The following FRS2 variants were observed in gnomAD, a reference collection of about 807,000 sequenced individuals.
FRS2 encodes fibroblast growth factor receptor substrate 2, also known as FGFR signalling adaptor.
In FRS2, 8 loss-of-function variants were observed where a neutral mutation model predicts 43.9. The ratio of observed to expected loss-of-function variants is 0.18; its 90% CI spans 0.11 to 0.33. The LOEUF is 0.33. FRS2 is among the 10% of genes least tolerant of loss of function. The pLI is 1.00. For missense variants in FRS2, 534 were observed against 627.6 expected (o/e 0.85, Z 1.59); for synonymous variants, 219 against 220.3 (o/e 0.99, Z 0.05).
intron 1 of FRS2, chr12:69,491,655 C>T (rs1449267526): frequency 6.6e-6 from 1 of 151,840 alleles, no homozygotes; most frequent in Non-Finnish European, 1.5e-5. Flanking sequence ...TGTACAGGTA[C>T]ATACCTCCAT....
At chr12:69,553,767 TAGGAA>T (rs1409276596) in intron 3 of FRS2, among the ~76,000 whole-genome samples, 1 of 152,028 alleles carries the variant, frequency 6.6e-6, no homozygotes, top group Non-Finnish European at 1.5e-5. Flanking sequence ...AGGGAGGTGT[TAGGAA>T]AGAAGTAGGG....
chr12:69,503,575 A>G (rs1056352493), intron 1 of FRS2, among the ~76,000 whole-genome samples: 1 of 152,154 alleles, frequency 6.6e-6, no homozygotes, highest in Non-Finnish European at 1.5e-5. Context: ...GAGGAGCATT[A>G]GCAACCCTCC....
intron 1 of FRS2, among the ~76,000 whole-genome samples, chr12:69,500,510 A>G (rs974983505): frequency 2.0e-5 from 3 of 152,166 alleles, no homozygotes; most frequent in Non-Finnish European, 4.4e-5. Context: ...GTGCCTAACA[A>G]TGATGAAGAA....
At chr12:69,549,593 A>T (rs927115521) in intron 3 of FRS2, among the ~76,000 whole-genome samples, 12 of 152,214 alleles carry the variant, frequency 7.9e-5, no homozygotes, top group African/African-American at 2.9e-4. Context: ...AAGGGAACTC[A>T]GTTCTTTGTT....
rs1250685891 is a variant in FRS2, at chr12:69,576,924, C to G, written c.*1969C>G. 1 of 152,518 alleles carries G rather than the reference C, an allele frequency of 6.6e-6. No homozygotes were observed. Among genetic ancestry groups the G allele is most frequent in the East Asian group, 1.9e-4 (1 of 5,198 alleles). 9.4% of individuals were successfully genotyped at this position (152,518 alleles called of 1,614,324 possible). A position where few individuals can be genotyped will look rare whatever the true frequency, so the allele number is the denominator to read the frequency against. ...TTTTTAATATATTGTTCCACTTATC[C>G]TTTCTTCTGAGTAAATTGCTAATTG... is the stretch of plus-strand genomic sequence containing the variant. On this transcript the variant is annotated 3_prime_UTR_variant, in exon 9 of 9. Coordinates refer to ENST00000549921, the MANE Select transcript of FRS2 (RefSeq NM_001278356.2).
At chr12:69,564,243 C>G (rs1015497252) in intron 4 of FRS2, among the ~76,000 whole-genome samples, 1 of 142,870 alleles carries the variant, frequency 7.0e-6, no homozygotes, top group Non-Finnish European at 1.5e-5. Flanking sequence ...CTATTCTGAT[C>G]TTTTTTTTTT....
intron 4 of FRS2, among the ~76,000 whole-genome samples, chr12:69,565,207 A>G (rs973579981): frequency 1.3e-5 from 2 of 152,248 alleles, no homozygotes; most frequent in African/African-American, 4.8e-5. Flanking sequence ...TTCTAAACAT[A>G]GAAAAGGTAC....
intron 4 of FRS2, among the ~76,000 whole-genome samples, chr12:69,567,583 G>A (rs1371384153): frequency 6.6e-6 from 1 of 152,178 alleles, no homozygotes; most frequent in Non-Finnish European, 1.5e-5. Flanking sequence ...AGTACAAAGT[G>A]TGATAGATGC....
chr12:69,551,721 C>T (rs184979938), intron 3 of FRS2, among the ~76,000 whole-genome samples: 194 of 152,180 alleles, frequency 1.3e-3, no homozygotes, highest in Non-Finnish European at 2.4e-3. Flanking sequence ...AAGAAGGGCT[C>T]AAAAGAACAT....
At chr12:69,481,272 A>G (rs1194629582) in intron 1 of FRS2, among the ~76,000 whole-genome samples, 3 of 140,576 alleles carry the variant, frequency 2.1e-5, no homozygotes, top group African/African-American at 5.7e-5. Context: ...TGAAAGTCCA[A>G]ATTCCAGAAT....
At chr12:69,559,694 T>G (rs1456113540) in intron 3 of FRS2, among the ~76,000 whole-genome samples, 1 of 152,084 alleles carries the variant, frequency 6.6e-6, no homozygotes, top group Non-Finnish European at 1.5e-5. Flanking sequence ...TAACTCTTCT[T>G]TTTCAGAATA....
intron 1 of FRS2, among the ~76,000 whole-genome samples, chr12:69,475,294 A>G (rs1045677191): frequency 6.6e-6 from 1 of 152,140 alleles, no homozygotes; most frequent in Admixed American, 6.5e-5. Context: ...TTTCAGGAAT[A>G]TGTTTTCCAC....
At chr12:69,492,911 C>T (rs1592932326) in intron 1 of FRS2, among the ~76,000 whole-genome samples, 1 of 152,180 alleles carries the variant, frequency 6.6e-6, no homozygotes, top group African/African-American at 2.4e-5. Context: ...TCAACAAACA[C>T]TTTGTGCATA....
At chr12:69,573,444 A>G (rs1005902796) in intron 8 of FRS2, among the ~76,000 whole-genome samples, 4 of 152,130 alleles carry the variant, frequency 2.6e-5, no homozygotes, top group Non-Finnish European at 5.9e-5. Context: ...TTTAACAATC[A>G]AATATAATGT....
In FRS2 at chr12:69,477,272, CTTTTTTTT is replaced by C. The variant is rs11300091; in HGVS notation, c.-261+6756_-261+6763del. Among the ~76,000 whole-genome samples, 344 of 103,154 alleles carry C rather than the reference CTTTTTTTT, an allele frequency of 3.3e-3. 3 individuals are homozygous for C. Among genetic ancestry groups the C allele is most frequent in the Middle Eastern group, 0.013 (2 of 152 alleles). The allele number at this position is 103,154 out of a possible 152,430, so 67.7% of individuals were successfully genotyped here. The stretch of plus-strand genomic sequence containing the variant: ...TGCATGTCGACAGTATTTTAAAATA[CTTTTTTTT>C]TTTTTTTTTTTTTGGTTTGAGACGG... On this transcript the variant is annotated intron_variant, in intron 1 of 8. Transcript: ENST00000549921.
intron 1 of FRS2, among the ~76,000 whole-genome samples, chr12:69,472,617 T>C (rs1172339883): frequency 2.6e-5 from 4 of 152,230 alleles, no homozygotes; most frequent in Admixed American, 2.6e-4. Context: ...CAGATACTGA[T>C]TGTATTTTTA....
chr12:69,558,850 T>C (rs563095426), intron 3 of FRS2, among the ~76,000 whole-genome samples: 1 of 152,326 alleles, frequency 6.6e-6, no homozygotes, highest in Non-Finnish European at 1.5e-5. Context: ...ACACACAGAA[T>C]AGGTGCTCAG....
intron 3 of FRS2, among the ~76,000 whole-genome samples, chr12:69,539,581 G>A (rs1380443825): frequency 6.6e-6 from 1 of 152,110 alleles, no homozygotes; most frequent in South Asian, 2.1e-4. Flanking sequence ...GTGTCATGTT[G>A]GTGCTCAAAA....
intron 1 of FRS2, among the ~76,000 whole-genome samples, chr12:69,485,417 C>T (rs541681354): frequency 2.0e-5 from 3 of 152,114 alleles, no homozygotes; most frequent in South Asian, 4.2e-4. Flanking sequence ...CTCCTGACCT[C>T]GTGATCCGCC....
Sources: allele counts gnomAD v4.1 joint callset (sites outside exome capture counted in the v4.1 genomes callset), GRCh38; gene constraint gnomAD v4.1.1; transcripts MANE v1.5; gene names NCBI Gene and HGNC (gene_info 2026-07-23, HGNC 2026-07-21).